SEMA3A: variants seen among roughly 807,000 people sequenced by gnomAD.
SEMA3A encodes the protein semaphorin-3A.
SEMA3A carries 29 observed loss-of-function variants against 97.9 expected under a neutral mutation model. The observed-to-expected ratio is 0.30, with a 90% CI of 0.22 to 0.40. The LOEUF (loss-of-function observed/expected upper bound fraction) is 0.40. Ranked by LOEUF, SEMA3A falls within the 10% of genes least tolerant of loss-of-function variation. The probability of loss-of-function intolerance (pLI) is 1.00; values close to 1 mark genes in which losing one functional copy is unlikely to be tolerated. For synonymous variants in SEMA3A, 321 were observed against 323.7 expected (o/e 0.99, Z 0.09); for missense variants, 763 against 951.3 (o/e 0.80, Z 2.60).
intron 6 of SEMA3A, among the ~76,000 whole-genome samples, chr7:84,022,535 C>T (rs2116443514): frequency 6.6e-6 from 1 of 152,296 alleles, no homozygotes; most frequent in East Asian, 1.9e-4. Context: ...CCCTGGATAT[C>T]TTTCCACGTG....
At chr7:84,458,252 G>GT (rs1455629171) in intron 1 of SEMA3A, among the ~76,000 whole-genome samples, 4 of 152,018 alleles carry the variant, frequency 2.6e-5, no homozygotes, top group East Asian at 1.9e-4. Context: ...TCCTTCTGTA[G>GT]TTTTTTTGTA....
chr7:84,159,689 T>A (rs1204565097), intron 1 of SEMA3A, among the ~76,000 whole-genome samples: 1 of 152,026 alleles, frequency 6.6e-6, no homozygotes, highest in Admixed American at 6.6e-5. Context: ...TTAATGATAC[T>A]ATAATTCAAT....
intron 1 of SEMA3A, among the ~76,000 whole-genome samples, chr7:84,408,697 G>A (rs1485979042): frequency 3.1e-5 from 4 of 128,662 alleles, no homozygotes; most frequent in Non-Finnish European, 6.3e-5. Flanking sequence ...TATACACCAT[G>A]GAATACTATG....
At chr7:84,100,235 C>CT (rs1794918357) in intron 4 of SEMA3A, among the ~76,000 whole-genome samples, 1 of 152,066 alleles carries the variant, frequency 6.6e-6, no homozygotes, top group African/African-American at 2.4e-5. Context: ...GAGGTGTGCA[C>CT]TAAGTATTTC....
chr7:84,422,085 TGAATGGTACCAGCTCCTC>T (rs1804610907), intron 1 of SEMA3A, among the ~76,000 whole-genome samples: 4 of 151,922 alleles, frequency 2.6e-5, no homozygotes, highest in Non-Finnish European at 5.9e-5. Flanking sequence ...ACTTTCACAG[TGAATGGTACCAGCTCCTC>T]TTCGTACCTC....
intron 5 of SEMA3A, among the ~76,000 whole-genome samples, chr7:84,057,445 A>T (rs1287396506): frequency 1.3e-5 from 2 of 152,144 alleles, no homozygotes; most frequent in East Asian, 1.9e-4. Context: ...CATAAAAAAA[A>T]TTTGCAGGTG....
At chr7:84,146,239 C>T (rs1263224930) in intron 1 of SEMA3A, among the ~76,000 whole-genome samples, 5 of 152,038 alleles carry the variant, frequency 3.3e-5, no homozygotes, top group Admixed American at 2.0e-4. Context: ...TCAAATTATA[C>T]GTGGAGGAAA....
At chr7:83,971,632 C>T (rs1788918595) in intron 15 of SEMA3A, among the ~76,000 whole-genome samples, 1 of 151,918 alleles carries the variant, frequency 6.6e-6, no homozygotes, top group Non-Finnish European at 1.5e-5. Flanking sequence ...TTTTTGCAGG[C>T]ATGTATGTGT....
intron 1 of SEMA3A, among the ~76,000 whole-genome samples, chr7:84,393,569 A>C (rs549743583): frequency 4.6e-5 from 7 of 152,260 alleles, no homozygotes; most frequent in African/African-American, 1.7e-4. Context: ...TTCACTTTTA[A>C]AATTACAAAT....
chr7:84,138,882 T>C lies in SEMA3A; in HGVS notation c.113-3931A>G, dbSNP rs62474704. Among the ~76,000 whole-genome samples the C allele has an allele frequency of 5.9e-3, 905 of 152,254 alleles. 6 individuals are homozygous for C. Among genetic ancestry groups the C allele is most frequent in the Non-Finnish European group, 8.7e-3 (590 of 67,948 alleles). ...TAAATAGAAATTGGGTGAAATTTTA[T>C]TCAATAGATTAAATAGAAACATGGG... On this transcript the variant is annotated intron_variant, in intron 1 of 16. Transcript: ENST00000265362.
intron 2 of SEMA3A, among the ~76,000 whole-genome samples, chr7:84,314,755 G>A (rs959301741): frequency 2.0e-5 from 3 of 152,158 alleles, no homozygotes; most frequent in Non-Finnish European, 4.4e-5. Context: ...GCTCAATCAA[G>A]CAATGCTTGT....
At chr7:84,428,123 C>T (rs1021247223) in intron 1 of SEMA3A, among the ~76,000 whole-genome samples, 1 of 152,036 alleles carries the variant, frequency 6.6e-6, no homozygotes, top group African/African-American at 2.4e-5. Context: ...GCTACCAATG[C>T]AAATTAGAGA....
chr7:84,038,464 C>G (rs1792021739), intron 6 of SEMA3A, among the ~76,000 whole-genome samples: 1 of 151,864 alleles, frequency 6.6e-6, no homozygotes, highest in Non-Finnish European at 1.5e-5. Context: ...TAAATTAATT[C>G]ATATGTGATT....
At chr7:84,149,288 T>C (rs1168465126) in intron 1 of SEMA3A, among the ~76,000 whole-genome samples, 1 of 152,234 alleles carries the variant, frequency 6.6e-6, no homozygotes, top group Non-Finnish European at 1.5e-5. Flanking sequence ...TTCTTCCATT[T>C]TGTTTCCAAA....
chr7:84,389,649 C>T (rs1228876), intron 1 of SEMA3A, among the ~76,000 whole-genome samples: 26,877 of 151,926 alleles, frequency 0.18, 2,518 homozygotes, highest in Middle Eastern at 0.23. Flanking sequence ...ATATACAATA[C>T]AGGATTCATT....
intron 11 of SEMA3A, 83 bp downstream of exon 11, chr7:84,005,256 A>T (rs887877897): frequency 1.9e-6 from 2 of 1,029,990 alleles, no homozygotes; most frequent in Non-Finnish European, 3.0e-6. Context: ...TGGCATCCCA[A>T]CCCCTGAGAT....
chr7:84,414,760 G>T (rs1158198630), intron 1 of SEMA3A, among the ~76,000 whole-genome samples: 1 of 151,954 alleles, frequency 6.6e-6, no homozygotes, highest in Non-Finnish European at 1.5e-5. Flanking sequence ...TGAACAAAGT[G>T]TAATTTCACA....
intron 1 of SEMA3A, among the ~76,000 whole-genome samples, chr7:84,398,892 C>G (rs1415327692): frequency 2.0e-5 from 3 of 152,086 alleles, no homozygotes; most frequent in South Asian, 4.1e-4. Context: ...GTAGAACCCT[C>G]CAGCAATTGT....
chr7:84,451,043 G>A (rs1205603635), intron 1 of SEMA3A, among the ~76,000 whole-genome samples: 1 of 151,966 alleles, frequency 6.6e-6, no homozygotes, highest in African/African-American at 2.4e-5. Flanking sequence ...TGCTTTTGTT[G>A]CCTGTGCTTT....
Sources: gnomAD v4.1 joint callset for allele counts (sites outside exome capture counted in the v4.1 genomes callset) on GRCh38, gnomAD v4.1.1 for gene constraint, MANE v1.5 for transcripts, NCBI Gene and HGNC (gene_info 2026-07-23, HGNC 2026-07-21) for gene names.